The following NTAQ1 variants were observed in gnomAD, a reference collection of about 807,000 sequenced individuals.
The protein encoded by NTAQ1 is protein N-terminal glutamine amidohydrolase.
In NTAQ1, 21 loss-of-function variants were observed where a neutral mutation model predicts 28.2. The ratio of observed to expected loss-of-function variants is 0.74; its 90% CI spans 0.53 to 1.07. NTAQ1 has a LOEUF of 1.07. NTAQ1 is among the 50% of genes least tolerant of loss of function. The pLI is 0.00. For missense variants in NTAQ1, 264 were observed against 256.6 expected, an observed-to-expected ratio of 1.03 and a Z score of -0.20; for synonymous variants, 105 against 90.0, an observed-to-expected ratio of 1.17 and a Z score of -0.94.
At chr8:123,466,300 A>G (rs997604300) in intron 6 of NTAQ1, among the ~76,000 whole-genome samples, 1 of 152,192 alleles carries the variant, frequency 6.6e-6, no homozygotes, top group Non-Finnish European at 1.5e-5. Context: ...AGCTCCAGAC[A>G]TAACCACTTA....
chr8:123,418,267 A>G (rs1232798390), intron 1 of NTAQ1, among the ~76,000 whole-genome samples: 2 of 152,134 alleles, frequency 1.3e-5, no homozygotes, highest in Non-Finnish European at 2.9e-5. Flanking sequence ...CCTGGCCGAC[A>G]TGCAGAAACC....
intron 1 of NTAQ1, among the ~76,000 whole-genome samples, chr8:123,418,121 T>G (rs1475469355): frequency 1.3e-5 from 2 of 152,060 alleles, no homozygotes; most frequent in Non-Finnish European, 2.9e-5. Context: ...ATCGACAAAT[T>G]CCCTCATGGA....
chr8:123,449,919 GTA>G (rs1244362020), downstream of NTAQ1, among the ~76,000 whole-genome samples: 3 of 71,166 alleles, frequency 4.2e-5, no homozygotes, highest in African/African-American at 9.8e-5. Context: ...ATATGTGTGT[GTA>G]TATATATATG....
intron 6 of NTAQ1, among the ~76,000 whole-genome samples, chr8:123,461,789 G>A (rs908766809): frequency 2.0e-5 from 3 of 152,152 alleles, no homozygotes; most frequent in Non-Finnish European, 4.4e-5. Context: ...GGAAGTATGT[G>A]AGGGGAAGAG....
intron 3 of NTAQ1, among the ~76,000 whole-genome samples, chr8:123,435,156 T>G (rs1235694744): frequency 6.6e-6 from 1 of 152,194 alleles, no homozygotes; most frequent in Non-Finnish European, 1.5e-5. Context: ...CGTTTTTCTT[T>G]GGAAGAACTC....
chr8:123,449,026 T>A (rs1470891997), downstream of NTAQ1, among the ~76,000 whole-genome samples: 1 of 152,198 alleles, frequency 6.6e-6, no homozygotes, highest in African/African-American at 2.4e-5. Context: ...CGGTGCACCC[T>A]TACCTGTACT....
At chr8:123,420,653 C>G (rs1057309495) in intron 1 of NTAQ1, among the ~76,000 whole-genome samples, 188 of 136,844 alleles carry the variant, frequency 1.4e-3, no homozygotes, top group Middle Eastern at 5.0e-3. Context: ...AGTGCAGTGG[C>G]ATGATCATGA....
intron 6 of NTAQ1, among the ~76,000 whole-genome samples, chr8:123,457,800 G>A (rs112269127): frequency 0.022 from 3,364 of 151,776 alleles, 134 homozygotes; most frequent in African/African-American, 0.077. Flanking sequence ...TTGGGAGGCC[G>A]AGGCGGATGG....
chr8:123,475,061 A>G, the NTAQ1 span, among the ~76,000 whole-genome samples: 2 of 152,108 alleles, frequency 1.3e-5, no homozygotes, highest in Non-Finnish European at 2.9e-5. Context: ...CTTCTCTAAG[A>G]GAGAGTTATT....
chr8:123,450,765 CTT>C (rs66716068), downstream of NTAQ1, among the ~76,000 whole-genome samples: 55,164 of 151,988 alleles, frequency 0.36, 10,090 homozygotes, highest in East Asian at 0.56. Context: ...TCCAATAACT[CTT>C]TGCTTTTTTT....
At chr8:123,460,671 G>A (rs372353539) in intron 6 of NTAQ1, among the ~76,000 whole-genome samples, 10 of 152,204 alleles carry the variant, frequency 6.6e-5, no homozygotes, top group African/African-American at 2.4e-4. Flanking sequence ...GAAGACCAGC[G>A]TTTTGCAGTG....
At chr8:123,468,679 ATC>A (rs953709983) in exon 7 of NTAQ1, among the ~76,000 whole-genome samples, 1 of 152,228 alleles carries the variant, frequency 6.6e-6, no homozygotes, top group Non-Finnish European at 1.5e-5. Flanking sequence ...ATGTGCAAAT[ATC>A]TCTGTGAGAT....
intron 2 of NTAQ1, among the ~76,000 whole-genome samples, chr8:123,428,326 A>G (rs1814193139): frequency 6.6e-6 from 1 of 152,040 alleles, no homozygotes; most frequent in African/African-American, 2.4e-5. Context: ...CCTCCCAAGT[A>G]GCTGAGACTA....
At chr8:123,420,025 G>A (rs759952973) in intron 1 of NTAQ1, among the ~76,000 whole-genome samples, 5 of 151,902 alleles carry the variant, frequency 3.3e-5, no homozygotes, top group Non-Finnish European at 5.9e-5. Flanking sequence ...CAGATAGTGA[G>A]CATACTACCA....
At chr8:123,456,436 C>G (rs1032173667) in intron 6 of NTAQ1, among the ~76,000 whole-genome samples, 1 of 152,168 alleles carries the variant, frequency 6.6e-6, no homozygotes, top group Non-Finnish European at 1.5e-5. Flanking sequence ...AGGCAGCAGG[C>G]ATTTTAAAGT....
chr8:123,466,335 G>C (rs1310765595), intron 6 of NTAQ1, among the ~76,000 whole-genome samples: 2 of 152,158 alleles, frequency 1.3e-5, no homozygotes, highest in Non-Finnish European at 2.9e-5. Context: ...GTCCATTTGG[G>C]CATGGGATCC....
rs181255186 is a variant in NTAQ1, at chr8:123,435,546, T to C, written c.235-907T>C. On this transcript the variant is annotated intron_variant, in intron 3 of 5. Transcript: ENST00000287387. ...AAATGTACTTCTGAATGCGCACGTA[T>C]GTCTTTATATACAGATAGCTTTTAA... 2.9e-4 allele frequency: 285 copies of C among 984,912 alleles called. 1 individual carries two copies. The African/African-American group carries it at 4.7e-3, about 16-fold the overall frequency. The allele number at this position is 984,912 out of a possible 1,614,324, so 61.0% of individuals were successfully genotyped here.
Position 123,441,362 on chromosome 8 carries a change from G to A in NTAQ1, c.565G>A (p.Ala189Thr), listed in dbSNP as rs755433395. The change falls in exon 6 of 6, where the codon GCC becomes ACC. Residue 189 changes from alanine to threonine, a missense_variant. Ala to Thr is a moderately conservative substitution (Grantham distance 58). Coordinates refer to ENST00000287387, the MANE Select transcript of NTAQ1 (RefSeq NM_018024.3). ...ISMDPKVGWG[A>T]VYTLSEFTHR... ...TATGGATCCCAAGGTAGGATGGGGC[G>A]CCGTCTACACACTATCCGAATTTAC... is the stretch of plus-strand genomic sequence containing the variant. 8.1e-6 allele frequency: 13 copies of A among 1,612,194 alleles called. No individual in the cohort carries two copies. Among genetic ancestry groups the A allele is most frequent in the African/African-American group, 4.0e-5 (3 of 74,726 alleles).
intron 5 of NTAQ1, among the ~76,000 whole-genome samples, chr8:123,437,779 G>C (rs923515525): frequency 6.6e-6 from 1 of 152,106 alleles, no homozygotes; most frequent in Non-Finnish European, 1.5e-5. Context: ...TACTACTTCT[G>C]TGTGTGTATT....
Sources: allele counts gnomAD v4.1 joint callset (sites outside exome capture counted in the v4.1 genomes callset), GRCh38; gene constraint gnomAD v4.1.1; transcripts MANE v1.5; gene names NCBI Gene and HGNC (gene_info 2026-07-23, HGNC 2026-07-21).